INSC: variants seen among roughly 807,000 people sequenced by gnomAD.
INSC encodes the protein protein inscuteable homolog.
In INSC, 67 loss-of-function variants were observed where a neutral mutation model predicts 58.6. That is an observed-to-expected ratio of 1.14 (90% CI 0.94 to 1.40). INSC has a LOEUF of 1.40. Among genes scored for constraint, INSC ranks in the 40% most tolerant of loss-of-function variants. The probability of loss-of-function intolerance (pLI) is 0.00; values close to 1 mark genes in which losing one functional copy is unlikely to be tolerated. For synonymous variants in INSC, 262 were observed against 276.1 expected, an observed-to-expected ratio of 0.95 and a Z score of 0.51; for missense variants, 714 against 692.0, an observed-to-expected ratio of 1.03 and a Z score of -0.36.
At chr11:15,144,241 G>A (rs1714356) in intron 1 of INSC, among the ~76,000 whole-genome samples, 142,980 of 152,256 alleles carry the variant, frequency 0.94, 67,774 homozygotes, top group East Asian at 1. Flanking sequence ...AAAGAAAGAT[G>A]AATGTTTACC....
chr11:15,253,678 G>A, the INSC span, among the ~76,000 whole-genome samples: 2 of 151,854 alleles, frequency 1.3e-5, no homozygotes, highest in Admixed American at 1.3e-4. Context: ...CTTTGAAAGG[G>A]AAAGTTTAAA....
the INSC span, among the ~76,000 whole-genome samples, chr11:15,265,035 T>A: frequency 1.3e-5 from 2 of 152,034 alleles, no homozygotes; most frequent in Admixed American, 1.3e-4. Context: ...GCAGAAAAAA[T>A]GTGACCCAAG....
the INSC span, among the ~76,000 whole-genome samples, chr11:15,252,256 A>G: frequency 6.6e-6 from 1 of 152,170 alleles, no homozygotes; most frequent in African/African-American, 2.4e-5. Context: ...GCTAATGAAT[A>G]TGGAGTTTCT....
At chr11:15,269,494 T>TA in the INSC span, among the ~76,000 whole-genome samples, 1 of 152,038 alleles carries the variant, frequency 6.6e-6, no homozygotes, top group South Asian at 2.1e-4. Context: ...TACTTTTTTT[T>TA]ATCCATCCAT....
intron 4 of INSC, 84 bp downstream of exon 4, chr11:15,177,247 A>AAG: frequency 4.9e-6 from 5 of 1,014,280 alleles, no homozygotes; most frequent in South Asian, 1.3e-5. Flanking sequence ...CCAGAGGGAG[A>AAG]ATGGGAATGG....
At chr11:15,123,557 G>A (rs1847922879) in intron 1 of INSC, among the ~76,000 whole-genome samples, 1 of 152,148 alleles carries the variant, frequency 6.6e-6, no homozygotes, top group African/African-American at 2.4e-5. Flanking sequence ...CATTTGGGGT[G>A]CCTGCCAACC....
At chr11:15,253,412 C>T in the INSC span, among the ~76,000 whole-genome samples, 1 of 152,106 alleles carries the variant, frequency 6.6e-6, no homozygotes, top group African/African-American at 2.4e-5. Flanking sequence ...AGGACTTGCC[C>T]TCGGACGACC....
At chr11:15,210,413 G>C (rs1374648006) in intron 7 of INSC, among the ~76,000 whole-genome samples, 1 of 82,532 alleles carries the variant, frequency 1.2e-5, no homozygotes, top group East Asian at 1.7e-3. Context: ...CTGTGGGTTT[G>C]GGTTGTGTTG....
chr11:15,222,871 C>T (rs1260052101), intron 8 of INSC, among the ~76,000 whole-genome samples: 2 of 152,096 alleles, frequency 1.3e-5, no homozygotes, highest in African/African-American at 4.8e-5. Flanking sequence ...AGTCTTGGCT[C>T]GAGGGAGCTC....
chr11:15,177,050 C>T, intron 3 of INSC, 61 bp from the exon 4 acceptor site: 1 of 1,296,808 alleles, frequency 7.7e-7, no homozygotes, highest in Non-Finnish European at 1.1e-6. Context: ...GTGCTCAGCA[C>T]AGCAGTTGGT....
At chr11:15,167,723 A>T (rs1159236194) in intron 2 of INSC, among the ~76,000 whole-genome samples, 2 of 151,990 alleles carry the variant, frequency 1.3e-5, no homozygotes, top group Non-Finnish European at 2.9e-5. Flanking sequence ...GTTTCAAGGG[A>T]TCCTCCCACC....
chr11:15,220,356 G>A (rs1463831055), intron 7 of INSC, among the ~76,000 whole-genome samples: 1 of 152,178 alleles, frequency 6.6e-6, no homozygotes, highest in African/African-American at 2.4e-5. Flanking sequence ...TCCCCAGGCA[G>A]GCTGGTGTCC....
At chr11:15,253,918 A>G in the INSC span, among the ~76,000 whole-genome samples, 2 of 152,176 alleles carry the variant, frequency 1.3e-5, no homozygotes, top group East Asian at 1.9e-4. Context: ...AGAAGTCATA[A>G]CAGGGACCCT....
At chr11:15,258,593 G>A in the INSC span, among the ~76,000 whole-genome samples, 1 of 152,188 alleles carries the variant, frequency 6.6e-6, no homozygotes, top group African/African-American at 2.4e-5. Flanking sequence ...AGTGGGTGAT[G>A]TAATTTGATC....
At chr11:15,234,602 C>T (rs548232104) in intron 9 of INSC, among the ~76,000 whole-genome samples, 198 of 152,268 alleles carry the variant, frequency 1.3e-3, no homozygotes, top group Non-Finnish European at 2.1e-3. Flanking sequence ...AGAAACCTTT[C>T]GAGAGAGAGG....
At position 15,201,087 on chromosome 11, in the gene INSC, G is replaced by A; in HGVS notation, c.819+138G>A. On this transcript the variant is annotated intron_variant, in intron 7 of 12. Transcript: ENST00000379556. ...CTTTTCCCAGGCACCATTCGGATAG[G>A]GTGGCTGGGACCTGGACTATGGGAG... 3 of 1,106,972 alleles carry A rather than the reference G, an allele frequency of 2.7e-6. No individual in the cohort carries two copies. In the Admixed American group the frequency reaches 7.4e-5, roughly 27 times the overall value. The allele number at this position is 1,106,972 out of a possible 1,614,324, so 68.6% of individuals were successfully genotyped here. A position where few individuals can be genotyped will look rare whatever the true frequency, so the allele number is the denominator to read the frequency against.
Position 15,209,001 on chromosome 11 carries a change from C to A in INSC, c.819+8052C>A, listed in dbSNP as rs146099757. ...TGAGGGCTTTTTCCTACTGAGCCAGCCTCCGATGATGTAGGCAAATCTTTC... is the reference window on the plus strand; with the variant it reads ...TGAGGGCTTTTTCCTACTGAGCCAGACTCCGATGATGTAGGCAAATCTTTC... On this transcript the variant is annotated intron_variant, in intron 7 of 12. Coordinates refer to ENST00000379556, the MANE Select transcript of INSC (RefSeq NM_001042536.3). 3.3e-3 allele frequency among the ~76,000 whole-genome samples: 496 copies of A among 152,286 alleles called. 1 individual carries two copies. Among genetic ancestry groups the A allele is most frequent in the Admixed American group, 5.5e-3 (84 of 15,296 alleles).
intron 9 of INSC, among the ~76,000 whole-genome samples, chr11:15,230,829 A>C (rs960660485): frequency 1.3e-5 from 2 of 152,328 alleles, no homozygotes; most frequent in Admixed American, 1.3e-4. Context: ...CGGGACCTAC[A>C]TCCAAAACAG....
chr11:15,253,487 G>C, the INSC span, among the ~76,000 whole-genome samples: 1 of 151,964 alleles, frequency 6.6e-6, no homozygotes, highest in Non-Finnish European at 1.5e-5. Context: ...TCCCTTCAAC[G>C]CTATCTTTTT....
Sources: gnomAD v4.1 joint callset for allele counts (sites outside exome capture counted in the v4.1 genomes callset) on GRCh38, gnomAD v4.1.1 for gene constraint, MANE v1.5 for transcripts, NCBI Gene and HGNC (gene_info 2026-07-23, HGNC 2026-07-21) for gene names.